GIGYF2: variants seen among roughly 807,000 people sequenced by gnomAD.
The protein encoded by GIGYF2 is GRB10-interacting GYF protein 2.
GIGYF2 carries 25 observed loss-of-function variants against 208.1 expected under a neutral mutation model. The observed-to-expected ratio is 0.12, with a 90% confidence interval of 0.09 to 0.17. The LOEUF is 0.17. Ranked by LOEUF, GIGYF2 falls within the 10% of genes least tolerant of loss-of-function variation. The pLI, the probability that GIGYF2 is intolerant of heterozygous loss-of-function variation, is 1.00. For synonymous variants in GIGYF2, 534 were observed against 543.8 expected, an observed-to-expected ratio of 0.98 and a Z score of 0.25; for missense variants, 1,302 against 1,579.4, an observed-to-expected ratio of 0.82 and a Z score of 2.98.
chr2:232,852,867 T>G (rs1017468711), intron 28 of GIGYF2, among the ~76,000 whole-genome samples: 1 of 152,226 alleles, frequency 6.6e-6, no homozygotes, highest in African/African-American at 2.4e-5. Flanking sequence ...GACTTAAATA[T>G]TCCCTTGGAT....
At chr2:232,719,795 A>C (rs765588217) in intron 2 of GIGYF2, among the ~76,000 whole-genome samples, 6 of 152,256 alleles carry the variant, frequency 3.9e-5, no homozygotes, top group Non-Finnish European at 8.8e-5. Context: ...TTTATTGAAG[A>C]AGACAGCTTA....
At chr2:232,763,247 G>GTTATTCTAAGC (rs1378258155) in intron 8 of GIGYF2, among the ~76,000 whole-genome samples, 3 of 148,168 alleles carry the variant, frequency 2.0e-5, no homozygotes, top group Non-Finnish European at 4.4e-5. Flanking sequence ...GAAGATCATG[G>GTTATTCTAAGC]TTATTCTAAG....
chr2:232,772,334 A>G (rs1232796470), intron 8 of GIGYF2, among the ~76,000 whole-genome samples: 3 of 152,134 alleles, frequency 2.0e-5, no homozygotes, highest in African/African-American at 7.2e-5. Context: ...CTCTGATTAG[A>G]TTGGGGGGTA....
At chr2:232,713,319 C>T (rs779907028) in intron 2 of GIGYF2, among the ~76,000 whole-genome samples, 4 of 150,658 alleles carry the variant, frequency 2.7e-5, no homozygotes, top group South Asian at 4.2e-4. Context: ...CTCAAGTGAT[C>T]GGCTGACTTT....
chr2:232,709,480 CACCA>C lies in GIGYF2; in HGVS notation c.-44+5993_-44+5996del, dbSNP rs564029391. Among the ~76,000 whole-genome samples, 12 of 152,280 alleles carry C rather than the reference CACCA, an allele frequency of 7.9e-5. No individual in the cohort carries two copies. In the East Asian group the frequency reaches 1.9e-3, roughly 25 times the overall value. On this transcript the variant is annotated intron_variant, in intron 2 of 28. Coordinates refer to ENST00000373563, the MANE Select transcript of GIGYF2 (RefSeq NM_001103146.3). ...CTGGGGCTATACGCGCGGCCCATCA[CACCA>C]AGCCAATTTTTATTGCATTTTACTT...
At chr2:232,736,858 T>G (rs375981364) in intron 3 of GIGYF2, among the ~76,000 whole-genome samples, 2 of 152,238 alleles carry the variant, frequency 1.3e-5, no homozygotes, top group South Asian at 4.1e-4. Flanking sequence ...AGGAAGTTGT[T>G]TTTTTCAGCA....
chr2:232,731,393 A>G (rs1177473701), intron 2 of GIGYF2: 1 of 152,246 alleles, frequency 6.6e-6, no homozygotes. Flanking sequence ...TTGCTTTATA[A>G]ATGCAGAGCC....
chr2:232,761,289 G>A (rs1015349643), intron 7 of GIGYF2, 107 bp from the exon 8 acceptor site: 6 of 726,000 alleles, frequency 8.3e-6, no homozygotes, highest in Admixed American at 2.1e-5. Context: ...TATTTGTTTT[G>A]TAATTTGAAG....
intron 14 of GIGYF2, among the ~76,000 whole-genome samples, chr2:232,805,742 T>C (rs1017179596): frequency 5.3e-5 from 8 of 152,202 alleles, no homozygotes; most frequent in Non-Finnish European, 1.2e-4. Context: ...CTTTCAGTGT[T>C]ATTTGTTTTA....
chr2:232,797,787 A>T (rs1574896828), intron 14 of GIGYF2, among the ~76,000 whole-genome samples: 1 of 152,022 alleles, frequency 6.6e-6, no homozygotes, highest in Non-Finnish European at 1.5e-5. Flanking sequence ...TCAAGACCAG[A>T]CTGGCCAACA....
At position 232,790,746 on chromosome 2, in the gene GIGYF2, G is replaced by GGTTTGA; in HGVS notation, c.768_773dup (p.Glu256_Phe257dup). 6.2e-7 allele frequency: 1 copy of GGTTTGA among 1,614,092 alleles called. No individual in the cohort carries two copies. The highest frequency in any genetic ancestry group is 2.2e-5 in the East Asian group (1 of 44,876). On this transcript the variant is annotated inframe_insertion, in exon 10 of 29. Transcript: ENST00000373563. ...CGGGAACACATGGAACGACGTCGGA[G>GGTTTGA]GTTTGAGTTTGATTTTCGAGATAGA...
chr2:232,748,422 A>G (rs1698227150), intron 4 of GIGYF2, among the ~76,000 whole-genome samples: 1 of 152,110 alleles, frequency 6.6e-6, no homozygotes, highest in South Asian at 2.1e-4. Flanking sequence ...AGCTGGGATT[A>G]TAGATATGCG....
chr2:232,844,120 T>C lies in GIGYF2; in HGVS notation c.2964T>C (p.Gly988=). The C allele has an allele frequency of 6.3e-7, 1 of 1,597,420 alleles. No homozygotes were observed. The highest frequency in any genetic ancestry group is 1.1e-5 in the South Asian group (1 of 89,420). The change falls in exon 24 of 29, where the codon GGT becomes GGC. Residue 988 remains glycine (G), a synonymous_variant. Transcript: ENST00000373563. ...AACAGCAACAGCAGAAACTCTCAGGTTGGGGGAATGTCAGCAAACCTTCAG... is the reference window on the plus strand; with the variant it reads ...AACAGCAACAGCAGAAACTCTCAGGCTGGGGGAATGTCAGCAAACCTTCAG... ...QQQQQQQKLS[G]WGNVSKPSGT...
In GIGYF2 at chr2:232,718,153, C is replaced by G. The variant is rs73092774; in HGVS notation, c.-44+14664C>G. Among the ~76,000 whole-genome samples the G allele has an allele frequency of 6.1e-3, 924 of 152,186 alleles. 12 individuals carry two copies. The highest frequency in any genetic ancestry group is 0.021 in the African/African-American group (874 of 41,516). ...CCAAGCTGCAGTGCAGTGGCAAGATCTTGGCTCACTGCAGCCTCACTGCAA... is the reference window on the plus strand; with the variant it reads ...CCAAGCTGCAGTGCAGTGGCAAGATGTTGGCTCACTGCAGCCTCACTGCAA... On this transcript the variant is annotated intron_variant, in intron 2 of 28. Transcript: ENST00000373563.
At chr2:232,850,534 G>A in intron 28 of GIGYF2, 125 bp downstream of exon 28, 1 of 923,270 alleles carries the variant, frequency 1.1e-6, no homozygotes, top group Non-Finnish European at 1.7e-6. Flanking sequence ...AATAACTAAT[G>A]TTTTAACTGG....
chr2:232,751,552 A>G (rs59485018), intron 5 of GIGYF2, among the ~76,000 whole-genome samples: 92 of 152,212 alleles, frequency 6.0e-4, no homozygotes, highest in African/African-American at 2.1e-3. Flanking sequence ...TAATTTTATG[A>G]GCTTCATATA....
chr2:232,798,850 C>T (rs898273412), intron 14 of GIGYF2, among the ~76,000 whole-genome samples: 1 of 151,190 alleles, frequency 6.6e-6, no homozygotes, highest in Non-Finnish European at 1.5e-5. Flanking sequence ...CCATCTTAGC[C>T]ATTTTTAAAT....
At chr2:232,735,871 G>A in intron 3 of GIGYF2, 1 of 982,640 alleles carries the variant, frequency 1.0e-6, no homozygotes, top group Non-Finnish European at 1.2e-6. Context: ...GTTGGTGATT[G>A]AAGATCCTCT....
At chr2:232,839,085 AC>A (rs1379976080) in intron 22 of GIGYF2, among the ~76,000 whole-genome samples, 1 of 152,186 alleles carries the variant, frequency 6.6e-6, no homozygotes, top group Non-Finnish European at 1.5e-5. Context: ...TTTATTAAAT[AC>A]ATTTTTTAAG....
Sources: gnomAD v4.1 joint callset for allele counts (sites outside exome capture counted in the v4.1 genomes callset) on GRCh38, gnomAD v4.1.1 for gene constraint, MANE v1.5 for transcripts, NCBI Gene and HGNC (gene_info 2026-07-23, HGNC 2026-07-21) for gene names.